RYR3: variants seen among roughly 807,000 people sequenced by gnomAD.
RYR3 encodes brain ryanodine receptor-calcium release channel.
RYR3 carries 207 observed loss-of-function variants against 584.3 expected under a neutral mutation model. The observed-to-expected ratio is 0.35, with a 90% confidence interval of 0.32 to 0.40. The LOEUF (loss-of-function observed/expected upper bound fraction) is 0.40. Among genes scored for constraint, RYR3 ranks in the 10% least tolerant of loss-of-function variants. The pLI, the probability that RYR3 is intolerant of heterozygous loss-of-function variation, is 1.00. For synonymous variants in RYR3, 2,416 were observed against 2,248.5 expected, an observed-to-expected ratio of 1.07 and a Z score of -2.11; for missense variants, 5,616 against 6,089.2, an observed-to-expected ratio of 0.92 and a Z score of 2.59.
intron 3 of RYR3, among the ~76,000 whole-genome samples, chr15:33,504,232 G>C (rs1232357241): frequency 6.6e-6 from 1 of 152,184 alleles, no homozygotes; most frequent in Non-Finnish European, 1.5e-5. Flanking sequence ...AGCAAGTACA[G>C]AATTGTCTTG....
chr15:33,358,382 C>G (rs777807051), intron 1 of RYR3, among the ~76,000 whole-genome samples: 5 of 152,198 alleles, frequency 3.3e-5, no homozygotes, highest in Admixed American at 2.0e-4. Context: ...CAAATTCTCT[C>G]AGCCTCTGTT....
chr15:33,649,335 G>T (rs2062316680), intron 31 of RYR3, 100 bp downstream of exon 31: 2 of 1,182,538 alleles, frequency 1.7e-6, no homozygotes, highest in Non-Finnish European at 2.4e-6. Flanking sequence ...AAACATCTTG[G>T]CCTCTCTTAA....
chr15:33,644,554 C>A, intron 28 of RYR3, 35 bp downstream of exon 28: 1 of 1,548,210 alleles, frequency 6.5e-7, no homozygotes, highest in Non-Finnish European at 8.9e-7. Flanking sequence ...CCTGGCAGGT[C>A]AGGTGGGCCA....
intron 16 of RYR3, among the ~76,000 whole-genome samples, chr15:33,593,036 A>T (rs2059206753): frequency 6.6e-6 from 1 of 152,224 alleles, no homozygotes; most frequent in South Asian, 2.1e-4. Context: ...CCGGAAGCTG[A>T]GAGGGAGCTT....
intron 43 of RYR3, among the ~76,000 whole-genome samples, chr15:33,718,146 G>T (rs779727915): frequency 5.3e-5 from 8 of 152,110 alleles, no homozygotes; most frequent in Non-Finnish European, 1.2e-4. Context: ...CTGAAGCCCC[G>T]TGTTCTCTCT....
chr15:33,488,578 GCA>G (rs2050682427), intron 2 of RYR3, among the ~76,000 whole-genome samples: 1 of 151,960 alleles, frequency 6.6e-6, no homozygotes, highest in African/African-American at 2.4e-5. Flanking sequence ...TCATGGCCGG[GCA>G]TGGTGGCTGA....
chr15:33,452,149 C>A (rs2047186232), intron 1 of RYR3, among the ~76,000 whole-genome samples: 1 of 152,214 alleles, frequency 6.6e-6, no homozygotes, highest in Admixed American at 6.5e-5. Context: ...TCCAGCCTTT[C>A]TTTTAGAGTA....
intron 5 of RYR3, 151 bp from the exon 6 acceptor site, chr15:33,539,199 G>A (rs1304736570): frequency 1.7e-6 from 1 of 576,802 alleles, no homozygotes; most frequent in East Asian, 2.9e-5. Flanking sequence ...GGGCTGTCTG[G>A]AACGGTTAGA....
rs1423455179 is a variant in RYR3, at chr15:33,722,890, A to G, written c.6795A>G (p.Arg2265=). The G allele has an allele frequency of 3.8e-6, 6 of 1,572,696 alleles. No individual in the cohort carries two copies. The highest frequency in any genetic ancestry group is 5.2e-6 in the Non-Finnish European group (6 of 1,162,454). ...ALDLPSQGYK[R]EVSTGDDEEE... ...ACCTCCCCTCTCAAGGATACAAAAG[A>G]GAAGTGTAAGTGAATGGAATTCCCT... Residue 2265 remains arginine, a synonymous_variant, in exon 44 of 104, where the codon AGA becomes AGG. Transcript: ENST00000634891.
chr15:33,613,397 A>T, intron 19 of RYR3, 22 bp downstream of exon 19: 1 of 1,573,978 alleles, frequency 6.4e-7, no homozygotes, highest in Middle Eastern at 1.7e-4. Context: ...CTGTGATTTC[A>T]TGGAGAGTAG....
In RYR3 at chr15:33,647,456, C is replaced by T; in HGVS notation, c.3974C>T (p.Thr1325Ile). 1 of 1,601,858 alleles carries T rather than the reference C, an allele frequency of 6.2e-7. No homozygotes were observed. The highest frequency in any genetic ancestry group is 1.7e-5 in the Admixed American group (1 of 59,912). ...KQMQEILSHT[T>I]TQCYYAIRIF... ...ATGCAAGAAATACTCTCTCATACAA[C>T]AACAGTAAGTAAATGTGCTCAATTA... The change falls in exon 30 of 104, where the codon ACA becomes ATA. Residue 1325 changes from threonine to isoleucine, a missense_variant. By Grantham distance (89) the Thr-to-Ile change is moderately conservative. Around this residue, in one of 9 missense-constraint regions of RYR3, gnomAD observed 753 missense variants for 741.0 expected, o/e 1.02. Transcript: ENST00000634891.
At chr15:33,800,674 T>C in intron 67 of RYR3, 96 bp from the exon 68 acceptor site, 3 of 828,390 alleles carry the variant, frequency 3.6e-6, no homozygotes, top group Non-Finnish European at 6.2e-6. Flanking sequence ...TTGATCTGGA[T>C]AAATGTATGT....
At chr15:33,408,668 T>C (rs34299908) in intron 1 of RYR3, among the ~76,000 whole-genome samples, 4,730 of 152,318 alleles carry the variant, frequency 0.031, 109 homozygotes, top group Non-Finnish European at 0.049. Context: ...TCGGTTTTTT[T>C]GACTTTTTAA....
At chr15:33,831,806 G>C (rs2077693707) in intron 86 of RYR3, among the ~76,000 whole-genome samples, 1 of 152,098 alleles carries the variant, frequency 6.6e-6, no homozygotes, top group Admixed American at 6.5e-5. Context: ...TAAAGCAAAA[G>C]TAATACTTCA....
intron 34 of RYR3, 83 bp from the exon 35 acceptor site, chr15:33,662,070 G>T: frequency 8.4e-7 from 1 of 1,195,314 alleles, no homozygotes. Flanking sequence ...CACCCACCCT[G>T]CCTTTGTTGG....
intron 43 of RYR3, among the ~76,000 whole-genome samples, chr15:33,719,488 T>A (rs748669399): frequency 1.2e-4 from 18 of 152,194 alleles, no homozygotes; most frequent in Non-Finnish European, 2.4e-4. Flanking sequence ...ACTGAAAGAA[T>A]TATAGTATTC....
chr15:33,757,012 G>A (rs1223730672), intron 59 of RYR3, among the ~76,000 whole-genome samples: 1 of 152,158 alleles, frequency 6.6e-6, no homozygotes, highest in East Asian at 1.9e-4. Flanking sequence ...TTGCCAAAAG[G>A]AAGAAGGGGA....
intron 1 of RYR3, among the ~76,000 whole-genome samples, chr15:33,417,993 G>A (rs891687433): frequency 6.6e-6 from 1 of 152,268 alleles, no homozygotes; most frequent in Non-Finnish European, 1.5e-5. Flanking sequence ...AATTGCGTAT[G>A]TTGAACCATC....
chr15:33,683,251 C>T (rs1434789013), intron 38 of RYR3, among the ~76,000 whole-genome samples: 2 of 152,036 alleles, frequency 1.3e-5, no homozygotes, highest in Admixed American at 6.5e-5. Flanking sequence ...GCCTTGGCCT[C>T]CCAAAGTGCT....
Sources: allele counts gnomAD v4.1 joint callset (sites outside exome capture counted in the v4.1 genomes callset), GRCh38; gene constraint gnomAD v4.1.1; regional missense constraint gnomAD v4.1.1; transcripts MANE v1.5; gene names NCBI Gene and HGNC (gene_info 2026-07-23, HGNC 2026-07-21).